The following DENND2B variants were observed in gnomAD, a reference collection of about 807,000 sequenced individuals.
DENND2B encodes DENN domain-containing protein 2B.
Under a neutral mutation model 116.0 loss-of-function variants are expected in DENND2B, and 32 were observed. The observed-to-expected ratio is 0.28, with a 90% CI of 0.21 to 0.37. The LOEUF (loss-of-function observed/expected upper bound fraction) is 0.37. Ranked by LOEUF, DENND2B falls within the 10% of genes least tolerant of loss-of-function variation. DENND2B has a pLI of 1.00. For synonymous variants in DENND2B, 588 were observed against 583.9 expected (o/e 1.01, Z -0.10); for missense variants, 1,276 against 1,477.7 (o/e 0.86, Z 2.24).
At chr11:8,773,896 T>C (rs1263749711) in intron 1 of DENND2B, among the ~76,000 whole-genome samples, 1 of 152,194 alleles carries the variant, frequency 6.6e-6, no homozygotes, top group Non-Finnish European at 1.5e-5. Flanking sequence ...TTCTAAAATG[T>C]AACATTTATA....
chr11:8,824,259 T>C (rs1025904220), intron 4 of DENND2B, among the ~76,000 whole-genome samples: 2 of 151,652 alleles, frequency 1.3e-5, no homozygotes, highest in African/African-American at 4.9e-5. Context: ...CAGGTAGACT[T>C]GTGTCATGGG....
chr11:8,904,766 C>T (rs1343891396), intron 1 of DENND2B, among the ~76,000 whole-genome samples: 2 of 152,014 alleles, frequency 1.3e-5, no homozygotes, highest in African/African-American at 4.8e-5. Flanking sequence ...TTTCTATACA[C>T]TAGTAATAAT....
At chr11:8,786,702 C>T (rs971364494) in intron 1 of DENND2B, among the ~76,000 whole-genome samples, 2 of 152,170 alleles carry the variant, frequency 1.3e-5, no homozygotes, top group Non-Finnish European at 2.9e-5. Flanking sequence ...CCTAGCTACT[C>T]AGGAGGCTGA....
chr11:8,861,588 T>A (rs552790484), intron 2 of DENND2B, among the ~76,000 whole-genome samples: 1 of 152,196 alleles, frequency 6.6e-6, no homozygotes, highest in Admixed American at 6.5e-5. Context: ...CTGGTGGGAA[T>A]ATAAATTAGT....
chr11:8,899,918 A>G (rs182150514), intron 1 of DENND2B, among the ~76,000 whole-genome samples: 3 of 152,356 alleles, frequency 2.0e-5, no homozygotes, highest in Admixed American at 1.3e-4. Context: ...TGAATGTAAT[A>G]TAACAGCATG....
rs947076980 is a variant in DENND2B at position 8,889,622 on chromosome 11, T to C, written c.-255-8513A>G. Among the ~76,000 whole-genome samples the C allele has an allele frequency of 8.5e-5, 13 of 152,324 alleles. No individual in the cohort carries two copies. The South Asian group carries it at 1.0e-3, about 12-fold the overall frequency. On this transcript the variant is annotated intron_variant, in intron 1 of 22. Transcript: ENST00000534127. ...CCCGCACATGGCTCGGAGGGTCCCA[T>C]GTCCATGGAGCCTGGCTCATTGCTA...
intron 2 of DENND2B, among the ~76,000 whole-genome samples, chr11:8,860,616 AC>A (rs2134676001): frequency 6.6e-6 from 1 of 152,260 alleles, no homozygotes; most frequent in South Asian, 2.1e-4. Context: ...TGAGCATACT[AC>A]CCAAAGCAAT....
chr11:8,693,982 G>C lies in DENND2B; in HGVS notation c.*114C>G. The stretch of plus-strand genomic sequence containing the variant: ...GAAGGCAGAGGTGGGCTGGCTTGGA[G>C]GATAGGATCTGTGGGGGCAGAGGAG... On this transcript the variant is annotated 3_prime_UTR_variant, in exon 20 of 20. Transcript: ENST00000313726. 2.7e-6 allele frequency: 3 copies of C among 1,120,772 alleles called. No individual in the cohort carries two copies. The South Asian group carries it at 4.3e-5, about 16-fold the overall frequency. The allele number at this position is 1,120,772 out of a possible 1,614,324, so 69.4% of individuals were successfully genotyped here.
intron 1 of DENND2B, chr11:8,785,254 A>G (rs989497121): frequency 6.6e-6 from 1 of 152,210 alleles, no homozygotes; most frequent in South Asian, 2.1e-4. Context: ...TGCCGTGTCA[A>G]TGAAAAACCA....
intron 1 of DENND2B, among the ~76,000 whole-genome samples, chr11:8,782,465 A>G (rs1392955381): frequency 1.3e-5 from 2 of 152,202 alleles, no homozygotes; most frequent in African/African-American, 4.8e-5. Flanking sequence ...GTCAAACTTA[A>G]AAAAAATTTA....
chr11:8,811,776 C>G (rs2061386443), upstream of DENND2B, among the ~76,000 whole-genome samples: 1 of 152,164 alleles, frequency 6.6e-6, no homozygotes, highest in Non-Finnish European at 1.5e-5. Flanking sequence ...CTCCATTGCC[C>G]AAGCTGGAAT....
At chr11:8,842,055 CA>C (rs1396077095) in intron 3 of DENND2B, among the ~76,000 whole-genome samples, 1 of 152,154 alleles carries the variant, frequency 6.6e-6, no homozygotes, top group Non-Finnish European at 1.5e-5. Context: ...CCTGGATCTT[CA>C]GTGATTTACA....
upstream of DENND2B, among the ~76,000 whole-genome samples, chr11:8,876,210 AC>A (rs2063839552): frequency 1.3e-5 from 2 of 152,062 alleles, no homozygotes; most frequent in African/African-American, 4.8e-5. Flanking sequence ...ACATAGCAAG[AC>A]CCCATCTCTA....
chr11:8,759,000 T>A (rs2054104772), intron 1 of DENND2B, among the ~76,000 whole-genome samples: 1 of 152,080 alleles, frequency 6.6e-6, no homozygotes, highest in Admixed American at 6.5e-5. Flanking sequence ...AGGACAGACC[T>A]CCCGGAAGGC....
At chr11:8,746,790 G>T (rs2051342051) in intron 2 of DENND2B, among the ~76,000 whole-genome samples, 1 of 152,164 alleles carries the variant, frequency 6.6e-6, no homozygotes, top group South Asian at 2.1e-4. Context: ...TACTTTGGGG[G>T]CAGGAAGATC....
upstream of DENND2B, among the ~76,000 whole-genome samples, chr11:8,874,341 C>A (rs1280689944): frequency 2.0e-5 from 3 of 152,172 alleles, no homozygotes; most frequent in African/African-American, 7.2e-5. Flanking sequence ...ATATTTTAAC[C>A]TTGAGAGCCT....
At chr11:8,828,281 G>A (rs2062055576) in intron 4 of DENND2B, among the ~76,000 whole-genome samples, 1 of 152,182 alleles carries the variant, frequency 6.6e-6, no homozygotes, top group Non-Finnish European at 1.5e-5. Flanking sequence ...TCTTCCAGAA[G>A]TGCCTGGACA....
At chr11:8,719,912 G>A (rs2045856359) in intron 4 of DENND2B, among the ~76,000 whole-genome samples, 4 of 152,200 alleles carry the variant, frequency 2.6e-5, no homozygotes, top group Admixed American at 2.6e-4. Context: ...CCCAATCCCA[G>A]GGGTTTCTCC....
chr11:8,812,439 T>C (rs928967361), upstream of DENND2B, among the ~76,000 whole-genome samples: 6 of 152,158 alleles, frequency 3.9e-5, no homozygotes, highest in Non-Finnish European at 7.4e-5. Flanking sequence ...CTGTTCAACA[T>C]GACAGGTCTG....
Sources: allele counts gnomAD v4.1 joint callset (sites outside exome capture counted in the v4.1 genomes callset), GRCh38; gene constraint gnomAD v4.1.1; transcripts MANE v1.5; gene names NCBI Gene and HGNC (gene_info 2026-07-23, HGNC 2026-07-21).